DRC1: variants seen among roughly 807,000 people sequenced by gnomAD.
DRC1 encodes dynein regulatory complex subunit 1.
DRC1 carries 74 observed loss-of-function variants against 98.7 expected under a neutral mutation model. The ratio of observed to expected loss-of-function variants is 0.75; its 90% CI spans 0.62 to 0.91. The LOEUF (loss-of-function observed/expected upper bound fraction) is 0.91. DRC1 is among the 40% of genes least tolerant of loss of function. The probability of loss-of-function intolerance (pLI) is 0.00; values close to 1 mark genes in which losing one functional copy is unlikely to be tolerated. For missense variants in DRC1, 875 were observed against 886.0 expected (o/e 0.99, Z 0.16); for synonymous variants, 336 against 334.1 (o/e 1.01, Z -0.06).
At position 26,444,925 on chromosome 2, in the gene DRC1, T is replaced by C; in HGVS notation, c.1373T>C (p.Val458Ala). 2.5e-6 allele frequency: 4 copies of C among 1,614,038 alleles called. No homozygotes were observed. The highest frequency in any genetic ancestry group is 3.4e-6 in the Non-Finnish European group (4 of 1,180,024). ...QQPQKSATQI[V>A]EEMLMRSEEE... is the part of the protein sequence containing the mutation. ...CCCCAGAAGTCCGCCACACAGATAGTAGAAGAAATGCTTATGCGCTCAGGT... is the reference window on the plus strand; with the variant it reads ...CCCCAGAAGTCCGCCACACAGATAGCAGAAGAAATGCTTATGCGCTCAGGT... The change falls in exon 10 of 17, where the codon GTA becomes GCA. Residue 458 changes from valine (V) to alanine (A), a missense_variant. Coordinates refer to ENST00000288710, the MANE Select transcript of DRC1 (RefSeq NM_145038.5).
At chr2:26,418,594 ATT>A (rs1215857746) in intron 2 of DRC1, among the ~76,000 whole-genome samples, 38 of 101,338 alleles carry the variant, frequency 3.7e-4, no homozygotes, top group African/African-American at 1.1e-3. Flanking sequence ...ATTATATATA[ATT>A]TATATAATAT....
intron 3 of DRC1, 45 bp downstream of exon 3, chr2:26,421,445 T>C (rs746418475): frequency 6.5e-7 from 1 of 1,546,378 alleles, no homozygotes; most frequent in Non-Finnish European, 8.9e-7. Context: ...GAAGGTAATC[T>C]CCATGGGTCC....
At chr2:26,446,287 A>T (rs985917444) in intron 10 of DRC1, among the ~76,000 whole-genome samples, 4 of 151,908 alleles carry the variant, frequency 2.6e-5, no homozygotes, top group Non-Finnish European at 4.4e-5. Context: ...TTGTAGAGAC[A>T]TGGATTTGCC....
At chr2:26,412,440 A>C (rs1678644148) in intron 1 of DRC1, among the ~76,000 whole-genome samples, 2 of 152,160 alleles carry the variant, frequency 1.3e-5, no homozygotes, top group Admixed American at 1.3e-4. Context: ...TTCCTAAGGC[A>C]GTACTGGTAG....
chr2:26,428,910 G>A (rs1409011847), intron 4 of DRC1, among the ~76,000 whole-genome samples: 1 of 152,172 alleles, frequency 6.6e-6, no homozygotes, highest in Non-Finnish European at 1.5e-5. Context: ...TACAGCAAAT[G>A]CTGTTCCAGA....
At position 26,430,654 on chromosome 2, in the gene DRC1, G is replaced by T. The variant is rs546391889; in HGVS notation, c.679-132G>T. 5 of 907,648 alleles carry T rather than the reference G, an allele frequency of 5.5e-6. No homozygotes were observed. In the East Asian group the frequency reaches 9.7e-5, roughly 18 times the overall value. 56.2% of individuals were successfully genotyped at this position (907,648 alleles called of 1,614,324 possible). ...CATTTGGTCTTATGAAACTTGGCAGGTCTGAATTTGGATTTGACTTTTTCT... is the reference window on the plus strand; with the variant it reads ...CATTTGGTCTTATGAAACTTGGCAGTTCTGAATTTGGATTTGACTTTTTCT... On this transcript the variant is annotated intron_variant, in intron 5 of 16. Coordinates refer to ENST00000288710, the MANE Select transcript of DRC1 (RefSeq NM_145038.5).
chr2:26,422,923 A>G (rs1663183303), intron 3 of DRC1, among the ~76,000 whole-genome samples: 1 of 142,984 alleles, frequency 7.0e-6, no homozygotes, highest in African/African-American at 2.6e-5. Context: ...CTAGTCTTTA[A>G]AAAAAAAAAA....
intron 2 of DRC1, 53 bp downstream of exon 2, chr2:26,414,484 A>G: frequency 6.5e-7 from 1 of 1,539,990 alleles, no homozygotes; most frequent in Non-Finnish European, 8.9e-7. Flanking sequence ...TGGGTGTGAC[A>G]TCATGGTTTT....
In DRC1 at chr2:26,454,192, G is replaced by T. The variant is rs1236669538; in HGVS notation, c.1920-455G>T. Among the ~76,000 whole-genome samples, 1 of 152,194 alleles carries T rather than the reference G, an allele frequency of 6.6e-6. No homozygotes were observed. Among genetic ancestry groups the T allele is most frequent in the East Asian group, 1.9e-4 (1 of 5,192 alleles). The stretch of plus-strand genomic sequence containing the variant: ...CAGCCGAAGAGCCATGATTAGCCTT[G>T]CGTTTTAGAGAGATCATTGTGGCGT... On this transcript the variant is annotated intron_variant, in intron 14 of 16. Transcript: ENST00000288710. This position sits in a 1 kb window ranked among gnomAD's most constrained non-coding sequence, Gnocchi z 5.2.
chr2:26,413,047 G>T (rs562701273), intron 1 of DRC1, among the ~76,000 whole-genome samples: 3 of 152,334 alleles, frequency 2.0e-5, no homozygotes, highest in East Asian at 1.9e-4. Context: ...CTCCCAAAGT[G>T]CTGGGATTAC....
rs1678910089 is a variant in DRC1 at position 26,418,601 on chromosome 2, TAATATATAA to T, written c.244-2685_244-2677del. Among the ~76,000 whole-genome samples the T allele has an allele frequency of 1.1e-4, 10 of 95,046 alleles. No homozygotes were observed. The South Asian group carries it at 2.6e-3, about 25-fold the overall frequency. The allele number at this position is 95,046 out of a possible 152,430, so 62.4% of individuals were successfully genotyped here. On this transcript the variant is annotated intron_variant, in intron 2 of 16. Transcript: ENST00000288710. The stretch of plus-strand genomic sequence containing the variant: ...ATATATAAATTATATATAATTTATA[TAATATATAA>T]ATTATATATAATATAAATTATATAT...
Position 26,450,033 on chromosome 2 carries a change from T to C in DRC1, c.1547T>C (p.Leu516Pro). 1 of 1,613,950 alleles carries C rather than the reference T, an allele frequency of 6.2e-7. No homozygotes were observed. The highest frequency in any genetic ancestry group is 8.5e-7 in the Non-Finnish European group (1 of 1,179,964). The change falls in exon 12 of 17, where the codon CTG becomes CCG. Residue 516 changes from leucine to proline, a missense_variant. Physicochemically the swap from Leu to Pro is moderately conservative, Grantham distance 98 (BLOSUM62 -3). Coordinates refer to ENST00000288710, the MANE Select transcript of DRC1 (RefSeq NM_145038.5). ...GAGAGCAAGCTGCTGAGCCTTCTCCTGCCCCTGGAGCAGAATGAATGCTAT... is the reference window on the plus strand; with the variant it reads ...GAGAGCAAGCTGCTGAGCCTTCTCCCGCCCCTGGAGCAGAATGAATGCTAT... The part of the protein sequence containing the change: ...LIESKLLSLL[L>P]PLEQNECYLL...
At chr2:26,430,677 T>C in intron 5 of DRC1, 109 bp from the exon 6 acceptor site, 1 of 1,157,654 alleles carries the variant, frequency 8.6e-7, no homozygotes, top group South Asian at 1.2e-5. Flanking sequence ...TTTGACTTTT[T>C]CTATGTGGTT....
chr2:26,423,315 C>T (rs1305046697), intron 3 of DRC1, among the ~76,000 whole-genome samples: 1 of 151,990 alleles, frequency 6.6e-6, no homozygotes, highest in Non-Finnish European at 1.5e-5. Context: ...AAAAAAGTGT[C>T]CTAGCTTGGA....
chr2:26,430,670 G>T, intron 5 of DRC1, 116 bp from the exon 6 acceptor site: 3 of 1,081,790 alleles, frequency 2.8e-6, no homozygotes, highest in South Asian at 2.5e-5. Flanking sequence ...ATTTGGATTT[G>T]ACTTTTTCTA....
chr2:26,450,350 G>T (rs1007923935), intron 12 of DRC1, among the ~76,000 whole-genome samples: 23 of 152,242 alleles, frequency 1.5e-4, no homozygotes, highest in African/African-American at 5.1e-4. Flanking sequence ...CTCAAATCTG[G>T]TGCAGCCCCA....
chr2:26,421,476 G>A (rs2147985409), intron 3 of DRC1, 76 bp downstream of exon 3: 1 of 1,273,542 alleles, frequency 7.9e-7, no homozygotes, highest in African/African-American at 1.5e-5. Context: ...CCGAATTGTT[G>A]GAGGGTGACT....
intron 3 of DRC1, among the ~76,000 whole-genome samples, chr2:26,421,611 A>G (rs1345578747): frequency 7.7e-6 from 1 of 129,340 alleles, no homozygotes; most frequent in Non-Finnish European, 1.5e-5. Context: ...CCCAGGCTGG[A>G]GTGCAATGAC....
chr2:26,439,936 TACACACAC>T (rs1553342452), intron 7 of DRC1, among the ~76,000 whole-genome samples: 12 of 75,494 alleles, frequency 1.6e-4, no homozygotes, highest in South Asian at 5.2e-4. Flanking sequence ...TATATATATA[TACACACAC>T]ACATACACAC....
Sources: gnomAD v4.1 joint callset for allele counts (sites outside exome capture counted in the v4.1 genomes callset) on GRCh38, gnomAD v4.1.1 for gene constraint, Gnocchi (gnomAD v3.1) non-coding constraint, MANE v1.5 for transcripts, NCBI Gene and HGNC (gene_info 2026-07-23, HGNC 2026-07-21) for gene names.